The following PDPR variants were observed in gnomAD, a reference collection of about 807,000 sequenced individuals.
The protein encoded by PDPR is pyruvate dehydrogenase phosphatase regulatory subunit.
In PDPR, 50 loss-of-function variants were observed where a neutral mutation model predicts 102.2. That is an observed-to-expected ratio of 0.49 (90% CI 0.39 to 0.62). The LOEUF is 0.62. PDPR is among the 20% of genes least tolerant of loss of function. The pLI is 0.00. For synonymous variants in PDPR, 259 were observed against 406.0 expected, an observed-to-expected ratio of 0.64 and a Z score of 4.35; for missense variants, 625 against 1,098.2, an observed-to-expected ratio of 0.57 and a Z score of 6.09.
chr16:70,155,803 T>C (rs993809667), intron 18 of PDPR, among the ~76,000 whole-genome samples: 41 of 25,290 alleles, frequency 1.6e-3, no homozygotes, highest in Admixed American at 6.6e-3. Flanking sequence ...TAAAAAAGTC[T>C]TTTTTTTTTT....
chr16:70,137,235 G>A (rs1965243593), intron 10 of PDPR, among the ~76,000 whole-genome samples: 2 of 152,106 alleles, frequency 1.3e-5, no homozygotes, highest in Non-Finnish European at 1.5e-5. Context: ...GGGTGCTTGT[G>A]GTCCCAGCTA....
intron 3 of PDPR, among the ~76,000 whole-genome samples, chr16:70,126,594 A>C (rs1963995807): frequency 6.6e-6 from 1 of 152,192 alleles, no homozygotes; most frequent in Non-Finnish European, 1.5e-5. Flanking sequence ...CGATCTCCTG[A>C]CCTTGTGATC....
At position 70,138,006 on chromosome 16, in the gene PDPR, C is replaced by G. The variant is rs139474917; in HGVS notation, c.1191-893C>G. Among the ~76,000 whole-genome samples the G allele has an allele frequency of 4.1e-3, 618 of 151,054 alleles. 2 individuals carry two copies. Among genetic ancestry groups the G allele is most frequent in the Non-Finnish European group, 6.5e-3 (442 of 67,766 alleles). On this transcript the variant is annotated intron_variant, in intron 10 of 18. Coordinates refer to ENST00000288050, the MANE Select transcript of PDPR (RefSeq NM_017990.5). ...GCATCAGACTCCAGAAGAGCTAGAACTAACTGCAGGCGTGTGCCACCATAC... is the reference window on the plus strand; with the variant it reads ...GCATCAGACTCCAGAAGAGCTAGAAGTAACTGCAGGCGTGTGCCACCATAC...
chr16:70,130,567 G>T (rs754022228), intron 7 of PDPR, 23 bp downstream of exon 7: 17 of 1,612,832 alleles, frequency 1.1e-5, no homozygotes, highest in Admixed American at 5.0e-5. Flanking sequence ...CAACACTGCT[G>T]TTCTTATTTA....
At chr16:70,139,433 C>G (rs545274805) in intron 11 of PDPR, among the ~76,000 whole-genome samples, 3 of 152,236 alleles carry the variant, frequency 2.0e-5, no homozygotes, top group Non-Finnish European at 4.4e-5. Flanking sequence ...AATGCTTTCT[C>G]ACTCCCCACT....
In PDPR at chr16:70,160,850, G is replaced by C. The variant is rs145695535; in HGVS notation, c.*3971G>C. ...GCGTTCAGTGTTTCACTGAAGACAG[G>C]ACCCATAGCCTTCATTTCTGGCTCT... On this transcript the variant is annotated 3_prime_UTR_variant, in exon 19 of 19. Transcript: ENST00000288050. 3 of 152,526 alleles carry C rather than the reference G, an allele frequency of 2.0e-5. No homozygotes were observed. Among genetic ancestry groups the C allele is most frequent in the African/African-American group, 4.8e-5 (2 of 41,596 alleles). The allele number at this position is 152,526 out of a possible 1,614,324, so 9.4% of individuals were successfully genotyped here.
chr16:70,120,217 A>G (rs1486037044), intron 2 of PDPR: 2 of 368,002 alleles, frequency 5.4e-6, no homozygotes, highest in East Asian at 1.2e-4. Context: ...GCCCAGCCTA[A>G]GTTTTTGAAT....
chr16:70,160,926 A>G lies in PDPR; in HGVS notation c.*4047A>G, dbSNP rs577643608. On this transcript the variant is annotated 3_prime_UTR_variant, in exon 19 of 19. Transcript: ENST00000288050. ...TTTCCTGGCATTTGCCTGAGTCTAC[A>G]CCACTTTTTGAGAACCTGAAATAGA... 2.0e-5 allele frequency: 3 copies of G among 152,628 alleles called. No homozygotes were observed. The highest frequency in any genetic ancestry group is 7.2e-5 in the African/African-American group (3 of 41,588). The allele number at this position is 152,628 out of a possible 1,614,324, so 9.5% of individuals were successfully genotyped here. A position where few individuals can be genotyped will look rare whatever the true frequency, so the allele number is the denominator to read the frequency against.
chr16:70,124,092 G>A (rs1365534507), intron 3 of PDPR, among the ~76,000 whole-genome samples: 2 of 150,596 alleles, frequency 1.3e-5, no homozygotes, highest in Non-Finnish European at 2.9e-5. Flanking sequence ...GCCAAGTGCA[G>A]TGGCTCATGC....
chr16:70,136,907 T>C (rs1268573256), intron 10 of PDPR, among the ~76,000 whole-genome samples: 1 of 152,220 alleles, frequency 6.6e-6, no homozygotes, highest in Admixed American at 6.5e-5. Context: ...GACATCTGGC[T>C]AATTTTTCTA....
rs557096943 is a variant in PDPR at position 70,157,097 on chromosome 16, C to T, written c.*218C>T. 21 of 738,232 alleles carry T rather than the reference C, an allele frequency of 2.8e-5. No homozygotes were observed. The East Asian group carries it at 3.4e-4, about 12-fold the overall frequency. The allele number at this position is 738,232 out of a possible 1,614,324, so 45.7% of individuals were successfully genotyped here. Reference sequence around the variant, plus strand: ...CTCCTCCTAATATTCACTCTGGGCTCTTCTTCCCTTCCCACCCCTCACTCA... The same window carrying T: ...CTCCTCCTAATATTCACTCTGGGCTTTTCTTCCCTTCCCACCCCTCACTCA... On this transcript the variant is annotated 3_prime_UTR_variant, in exon 19 of 19. Transcript: ENST00000288050.
upstream of PDPR, chr16:70,113,672 G>A (rs1962353242): frequency 7.4e-6 from 1 of 135,750 alleles, no homozygotes; most frequent in Admixed American, 7.6e-5. Context: ...TGACAGTGAG[G>A]AAGGGATGAG....
At chr16:70,149,192 G>A (rs1966497996) in intron 17 of PDPR, among the ~76,000 whole-genome samples, 2 of 151,200 alleles carry the variant, frequency 1.3e-5, no homozygotes, top group African/African-American at 2.4e-5. Context: ...ACCATACCCA[G>A]CCAAGCCCCC....
intron 10 of PDPR, among the ~76,000 whole-genome samples, chr16:70,138,307 C>T (rs1965371835): frequency 6.6e-6 from 1 of 150,922 alleles, no homozygotes; most frequent in Non-Finnish European, 1.5e-5. Context: ...CAACCTCTGC[C>T]TCCCAGGTTC....
At chr16:70,126,622 C>G (rs1254112306) in intron 3 of PDPR, among the ~76,000 whole-genome samples, 6 of 152,286 alleles carry the variant, frequency 3.9e-5, no homozygotes, top group African/African-American at 1.4e-4. Flanking sequence ...CTCAGCCTCC[C>G]AAAGTGCTGG....
At chr16:70,156,015 A>G (rs1234225989) in intron 18 of PDPR, among the ~76,000 whole-genome samples, 1 of 152,152 alleles carries the variant, frequency 6.6e-6, no homozygotes, top group East Asian at 1.9e-4. Context: ...TCAGCCTCCC[A>G]AGTAGCTAGA....
At chr16:70,118,269 T>C (rs540947250) in intron 2 of PDPR, among the ~76,000 whole-genome samples, 12 of 151,988 alleles carry the variant, frequency 7.9e-5, no homozygotes, top group South Asian at 2.1e-4. Context: ...AAGGAAGAGA[T>C]GGTTGCAGAT....
intron 16 of PDPR, among the ~76,000 whole-genome samples, chr16:70,146,863 T>TC (rs1966277637): frequency 1.4e-5 from 1 of 70,510 alleles, no homozygotes; most frequent in Admixed American, 1.5e-4. Flanking sequence ...CAAGACTGTC[T>TC]CAAAAAAAAA....
chr16:70,117,550 G>A (rs1394090184), intron 2 of PDPR, among the ~76,000 whole-genome samples: 1 of 152,062 alleles, frequency 6.6e-6, no homozygotes, highest in African/African-American at 2.4e-5. Flanking sequence ...AAGAGGCTGT[G>A]ACCTGAGGAG....
Sources: gnomAD v4.1 joint callset for allele counts (sites outside exome capture counted in the v4.1 genomes callset) on GRCh38, gnomAD v4.1.1 for gene constraint, MANE v1.5 for transcripts, NCBI Gene and HGNC (gene_info 2026-07-23, HGNC 2026-07-21) for gene names.